Variants in EPHA6 observed in about 807,000 individuals in gnomAD.
EPHA6 encodes the protein ephrin type-A receptor 6.
In EPHA6, 50 loss-of-function variants were observed where a neutral mutation model predicts 112.0. The observed-to-expected ratio is 0.45, with a 90% confidence interval of 0.36 to 0.56. The LOEUF (loss-of-function observed/expected upper bound fraction) is 0.56. EPHA6 is among the 20% of genes least tolerant of loss of function. The probability of loss-of-function intolerance (pLI) is 0.00; values close to 1 mark genes in which losing one functional copy is unlikely to be tolerated. For synonymous variants in EPHA6, 529 were observed against 490.7 expected, an observed-to-expected ratio of 1.08 and a Z score of -1.03; for missense variants, 1,280 against 1,417.4, an observed-to-expected ratio of 0.90 and a Z score of 1.56.
chr3:97,589,900 A>G (rs1461417194), intron 11 of EPHA6, among the ~76,000 whole-genome samples: 7 of 152,234 alleles, frequency 4.6e-5, no homozygotes, highest in Admixed American at 3.3e-4. Context: ...ATTGAATAAT[A>G]AATTCCACAA....
At chr3:97,026,935 T>A (rs953191247) in intron 3 of EPHA6, among the ~76,000 whole-genome samples, 1 of 152,198 alleles carries the variant, frequency 6.6e-6, no homozygotes, top group African/African-American at 2.4e-5. Context: ...ATCTCATTAC[T>A]GGGTATATAC....
intron 14 of EPHA6, among the ~76,000 whole-genome samples, chr3:97,710,556 G>A (rs2033911809): frequency 6.6e-6 from 1 of 152,186 alleles, no homozygotes; most frequent in East Asian, 1.9e-4. Flanking sequence ...CAGAAGTGAA[G>A]GTTGTTCCCT....
intron 3 of EPHA6, among the ~76,000 whole-genome samples, chr3:97,114,219 C>T (rs2047813977): frequency 6.6e-6 from 1 of 152,054 alleles, no homozygotes. Context: ...GAGCTTTCCA[C>T]ATGAAAGACT....
intron 2 of EPHA6, among the ~76,000 whole-genome samples, chr3:96,918,107 A>G (rs1356621162): frequency 2.6e-5 from 4 of 152,138 alleles, no homozygotes; most frequent in Non-Finnish European, 4.4e-5. Context: ...ATGATGAACT[A>G]AATTATTTTG....
At chr3:96,833,351 C>T (rs1231364106) in intron 1 of EPHA6, among the ~76,000 whole-genome samples, 5 of 151,562 alleles carry the variant, frequency 3.3e-5, no homozygotes, top group South Asian at 2.1e-4. Context: ...AGGAAGGAGG[C>T]ATGGAATGGA....
chr3:96,920,917 C>A (rs1191578873), intron 2 of EPHA6, among the ~76,000 whole-genome samples: 1 of 151,846 alleles, frequency 6.6e-6, no homozygotes, highest in South Asian at 2.1e-4. Flanking sequence ...TTAAGGGGAA[C>A]AAAATTTTAT....
intron 1 of EPHA6, among the ~76,000 whole-genome samples, chr3:96,862,133 T>C (rs952135732): frequency 6.6e-6 from 1 of 151,890 alleles, no homozygotes; most frequent in African/African-American, 2.4e-5. Flanking sequence ...GCTTCTAAAA[T>C]GTAACGTATA....
chr3:97,591,352 GA>G (rs2093542700), intron 11 of EPHA6, among the ~76,000 whole-genome samples: 1 of 152,104 alleles, frequency 6.6e-6, no homozygotes, highest in Non-Finnish European at 1.5e-5. Context: ...CAAGTTCAAA[GA>G]AGCCTCAAAT....
intron 3 of EPHA6, among the ~76,000 whole-genome samples, chr3:97,217,540 A>G (rs2108525852): frequency 6.6e-6 from 1 of 152,322 alleles, no homozygotes; most frequent in Non-Finnish European, 1.5e-5. Flanking sequence ...GCTGCTTCCA[A>G]GAAACATACT....
intron 3 of EPHA6, among the ~76,000 whole-genome samples, chr3:97,171,577 A>G (rs2076702980): frequency 6.6e-6 from 1 of 152,144 alleles, no homozygotes; most frequent in Non-Finnish European, 1.5e-5. Flanking sequence ...ATTTCTGGGT[A>G]AGTTTGGAAC....
chr3:97,076,605 A>G (rs994973997), intron 3 of EPHA6, among the ~76,000 whole-genome samples: 2 of 152,194 alleles, frequency 1.3e-5, no homozygotes, highest in African/African-American at 4.8e-5. Context: ...AGCTACACTA[A>G]CAACATATTT....
chr3:97,568,507 T>A (rs1245316259), intron 11 of EPHA6, among the ~76,000 whole-genome samples: 1 of 152,238 alleles, frequency 6.6e-6, no homozygotes, highest in African/African-American at 2.4e-5. Flanking sequence ...CTAATTGCTG[T>A]GCCTGCTTCA....
chr3:97,397,667 A>G (rs906959845), intron 5 of EPHA6, among the ~76,000 whole-genome samples: 1 of 151,624 alleles, frequency 6.6e-6, no homozygotes, highest in Non-Finnish European at 1.5e-5. Flanking sequence ...CAGTTTTCTT[A>G]ATAAAAATTT....
At chr3:97,220,495 G>T (rs914500642) in intron 3 of EPHA6, among the ~76,000 whole-genome samples, 9 of 152,156 alleles carry the variant, frequency 5.9e-5, no homozygotes, top group African/African-American at 1.7e-4. Context: ...TAACATGTCT[G>T]GAGAAGCCTC....
chr3:97,154,981 AAAAT>A (rs2076256617), intron 3 of EPHA6, among the ~76,000 whole-genome samples: 2 of 152,312 alleles, frequency 1.3e-5, no homozygotes, highest in South Asian at 4.1e-4. Flanking sequence ...TGACTTAGGT[AAAAT>A]AAAGATTATA....
intron 6 of EPHA6, among the ~76,000 whole-genome samples, chr3:97,421,241 C>A (rs1337784703): frequency 1.3e-5 from 2 of 152,016 alleles, no homozygotes; most frequent in Non-Finnish European, 2.9e-5. Flanking sequence ...AAAAACCCCA[C>A]ATTATTCCAG....
chr3:97,742,809 A>C (rs1182676694), intron 16 of EPHA6, among the ~76,000 whole-genome samples: 1 of 152,164 alleles, frequency 6.6e-6, no homozygotes, highest in African/African-American at 2.4e-5. Context: ...GCTTAATTGC[A>C]GACAGGACTT....
chr3:97,358,528 T>C (rs1426577162), intron 5 of EPHA6, among the ~76,000 whole-genome samples: 1 of 152,064 alleles, frequency 6.6e-6, no homozygotes, highest in East Asian at 1.9e-4. Flanking sequence ...TTTAGAGTAA[T>C]AATTTATTTT....
chr3:97,267,598 T>C (rs2079729877), intron 5 of EPHA6, among the ~76,000 whole-genome samples: 1 of 152,196 alleles, frequency 6.6e-6, no homozygotes, highest in Non-Finnish European at 1.5e-5. Context: ...TTCCATTTTA[T>C]ATTTTAAATT....
Sources: gnomAD v4.1 joint callset for allele counts (sites outside exome capture counted in the v4.1 genomes callset) on GRCh38, gnomAD v4.1.1 for gene constraint, MANE v1.5 for transcripts, NCBI Gene and HGNC (gene_info 2026-07-23, HGNC 2026-07-21) for gene names.